Variants in LRRC7 observed in about 807,000 individuals in gnomAD.
LRRC7 encodes the protein leucine-rich repeat-containing protein 7.
Under a neutral mutation model 175.7 loss-of-function variants are expected in LRRC7, and 23 were observed. The ratio of observed to expected loss-of-function variants is 0.13; its 90% CI spans 0.09 to 0.19. LRRC7 has a LOEUF of 0.19. Ranked by LOEUF, LRRC7 falls within the 10% of genes least tolerant of loss-of-function variation. The probability of loss-of-function intolerance (pLI) is 1.00; values close to 1 mark genes in which losing one functional copy is unlikely to be tolerated. For missense variants in LRRC7, 1,354 were observed against 1,904.7 expected (o/e 0.71, Z 5.38); for synonymous variants, 685 against 680.9 (o/e 1.01, Z -0.09).
chr1:70,026,229 G>A (rs1204462081), intron 17 of LRRC7, among the ~76,000 whole-genome samples: 1 of 151,980 alleles, frequency 6.6e-6, no homozygotes, highest in Admixed American at 6.6e-5. Context: ...AAGTTGCATA[G>A]AATTTTAATT....
At chr1:70,000,848 T>C (rs560779303) in intron 11 of LRRC7, among the ~76,000 whole-genome samples, 1 of 152,300 alleles carries the variant, frequency 6.6e-6, no homozygotes, top group South Asian at 2.1e-4. Flanking sequence ...TCCTAGGTGA[T>C]GTTAACAATG....
At chr1:69,783,144 C>T (rs1673964484) in intron 3 of LRRC7, among the ~76,000 whole-genome samples, 2 of 152,178 alleles carry the variant, frequency 1.3e-5, no homozygotes, top group African/African-American at 4.8e-5. Flanking sequence ...TGTACAGCCT[C>T]TTGGGCTTTT....
chr1:69,832,477 T>C (rs974804022), intron 5 of LRRC7, among the ~76,000 whole-genome samples: 1 of 152,082 alleles, frequency 6.6e-6, no homozygotes, highest in African/African-American at 2.4e-5. Context: ...ATAGGTAAAA[T>C]AAGTAAACAT....
intron 10 of LRRC7, among the ~76,000 whole-genome samples, chr1:69,988,149 T>C (rs1271517771): frequency 6.6e-6 from 1 of 152,234 alleles, no homozygotes; most frequent in Non-Finnish European, 1.5e-5. Context: ...ATTTTAAATA[T>C]ATCTTGAAAA....
At chr1:69,906,062 A>G (rs1433124578) in intron 7 of LRRC7, among the ~76,000 whole-genome samples, 2 of 152,228 alleles carry the variant, frequency 1.3e-5, no homozygotes, top group African/African-American at 2.4e-5. Flanking sequence ...TCTTCTTTTC[A>G]GAAGTGTCTG....
chr1:70,120,555 T>TA (rs1261424237), intron 26 of LRRC7, among the ~76,000 whole-genome samples: 1 of 152,108 alleles, frequency 6.6e-6, no homozygotes, highest in Non-Finnish European at 1.5e-5. Context: ...AATGCTGCTT[T>TA]AAATTTGAAA....
chr1:69,761,930 T>C (rs187678024), intron 3 of LRRC7, among the ~76,000 whole-genome samples: 1 of 151,932 alleles, frequency 6.6e-6, no homozygotes, highest in East Asian at 1.9e-4. Flanking sequence ...TTTAGGAAAA[T>C]AGGCATGGGG....
rs1285755614 is a variant in LRRC7 at position 70,059,370 on chromosome 1, C to A, written c.4230+6225C>A. 2.0e-5 allele frequency among the ~76,000 whole-genome samples: 3 copies of A among 152,130 alleles called. No individual in the cohort carries two copies. The East Asian group carries it at 5.8e-4, about 29-fold the overall frequency. On this transcript the variant is annotated intron_variant, in intron 23 of 26. Coordinates refer to ENST00000651989, the MANE Select transcript of LRRC7 (RefSeq NM_001370785.2). ...TTATGCTGAACTTGCCTGTGATTTT[C>A]TCACATCTACAATATCAGTTCAGCT...
chr1:69,736,059 T>C (rs1668085912), intron 2 of LRRC7, among the ~76,000 whole-genome samples: 1 of 152,150 alleles, frequency 6.6e-6, no homozygotes, highest in African/African-American at 2.4e-5. Context: ...TTAGTAACAT[T>C]AGCATTGTTC....
chr1:69,580,441 G>A lies in LRRC7; in HGVS notation c.2+11800G>A, dbSNP rs189486279. Among the ~76,000 whole-genome samples, 648 of 152,204 alleles carry A rather than the reference G, an allele frequency of 4.3e-3. 5 individuals carry two copies. Among genetic ancestry groups the A allele is most frequent in the South Asian group, 0.019 (90 of 4,828 alleles). ...AGTCTTAAGCACTTTGACTTTCTCA[G>A]TTGGTAATTTTGTGCACAAGTATAT... On this transcript the variant is annotated intron_variant, in intron 1 of 26. Coordinates refer to ENST00000651989, the MANE Select transcript of LRRC7 (RefSeq NM_001370785.2).
intron 4 of LRRC7, among the ~76,000 whole-genome samples, chr1:69,808,418 G>A (rs1434812052): frequency 6.6e-6 from 1 of 151,892 alleles, no homozygotes; most frequent in African/African-American, 2.4e-5. Context: ...GCACCTAACA[G>A]ACATCTACAG....
At chr1:69,738,313 TC>T (rs1165811947) in intron 2 of LRRC7, among the ~76,000 whole-genome samples, 1 of 152,084 alleles carries the variant, frequency 6.6e-6, no homozygotes, top group Non-Finnish European at 1.5e-5. Context: ...GACCCTGTCA[TC>T]CCATAAGCCA....
chr1:69,766,095 C>CT (rs1238232053), intron 3 of LRRC7, among the ~76,000 whole-genome samples: 94 of 151,640 alleles, frequency 6.2e-4, no homozygotes, highest in African/African-American at 2.1e-3. Flanking sequence ...AAATATTAAA[C>CT]TTAGAAAGTG....
chr1:69,947,684 C>T (rs1649482290), intron 8 of LRRC7, among the ~76,000 whole-genome samples: 1 of 151,918 alleles, frequency 6.6e-6, no homozygotes, highest in Non-Finnish European at 1.5e-5. Context: ...GGTTTATGCA[C>T]TACTACAATA....
chr1:69,588,527 T>C (rs1646493190), intron 1 of LRRC7, among the ~76,000 whole-genome samples: 1 of 152,136 alleles, frequency 6.6e-6, no homozygotes, highest in African/African-American at 2.4e-5. Flanking sequence ...AAATGCAATA[T>C]AGTGGATAAA....
intron 11 of LRRC7, among the ~76,000 whole-genome samples, chr1:70,004,140 A>G (rs578029583): frequency 6.6e-6 from 1 of 152,204 alleles, no homozygotes; most frequent in Non-Finnish European, 1.5e-5. Flanking sequence ...TCAACATTTC[A>G]GAGGTAAAAT....
At chr1:70,075,261 G>T in intron 23 of LRRC7, among the ~76,000 whole-genome samples, 1 of 152,188 alleles carries the variant, frequency 6.6e-6, no homozygotes, top group East Asian at 1.9e-4. Context: ...TGCTTGGTTT[G>T]TAGAAAAGAC....
At chr1:70,089,888 G>GA in intron 25 of LRRC7, 69 bp downstream of exon 25, 2 of 1,177,510 alleles carry the variant, frequency 1.7e-6, no homozygotes, top group Non-Finnish European at 2.4e-6. Flanking sequence ...ACAAAGGTTA[G>GA]AAAAAAATTC....
chr1:70,130,519 T>G lies in LRRC7; in HGVS notation c.*8632T>G, dbSNP rs1033255415. Among the ~76,000 whole-genome samples, 2 of 152,224 alleles carry G rather than the reference T, an allele frequency of 1.3e-5. No homozygotes were observed. Among genetic ancestry groups the G allele is most frequent in the African/African-American group, 4.8e-5 (2 of 41,452 alleles). On this transcript the variant is annotated 3_prime_UTR_variant, in exon 27 of 27. Transcript: ENST00000651989. Reference sequence around the variant, plus strand: ...CTCCTTTTTAAATCAGTCTTCCTCCTCTCTTCAGCATTTTTTCTAAGACAT... The same window carrying G: ...CTCCTTTTTAAATCAGTCTTCCTCCGCTCTTCAGCATTTTTTCTAAGACAT...
Sources: gnomAD v4.1 joint callset for allele counts (sites outside exome capture counted in the v4.1 genomes callset) on GRCh38, gnomAD v4.1.1 for gene constraint, MANE v1.5 for transcripts, NCBI Gene and HGNC (gene_info 2026-07-23, HGNC 2026-07-21) for gene names.